WAPL: variants seen among roughly 807,000 people sequenced by gnomAD.
WAPL encodes the protein wings apart-like protein homolog.
A neutral mutation model predicts 121.0 loss-of-function variants in WAPL; 5 were observed. The ratio of observed to expected loss-of-function variants is 0.04; its 90% CI spans 0.02 to 0.09. The LOEUF (loss-of-function observed/expected upper bound fraction) is 0.09, where lower values mean the gene tolerates loss of function less well. Among genes scored for constraint, WAPL ranks in the 10% least tolerant of loss-of-function variants. The pLI is 1.00. For synonymous variants in WAPL, 480 were observed against 481.5 expected, an observed-to-expected ratio of 1.00 and a Z score of 0.04; for missense variants, 999 against 1,410.8, an observed-to-expected ratio of 0.71 and a Z score of 4.68.
chr10:86,497,381 A>G, intron 3 of WAPL, 62 bp from the exon 4 acceptor site: 1 of 1,202,140 alleles, frequency 8.3e-7, no homozygotes, highest in Non-Finnish European at 1.2e-6. Context: ...CAGACAACCT[A>G]TCAAGATTAT....
chr10:86,466,681 A>G (rs1841405224), intron 9 of WAPL, among the ~76,000 whole-genome samples: 1 of 11,184 alleles, frequency 8.9e-5, no homozygotes, highest in African/African-American at 1.2e-3. Flanking sequence ...AAGAATTCAA[A>G]ATTCCTAATA....
chr10:86,500,345 T>C lies in WAPL; in HGVS notation c.898A>G (p.Asn300Asp). 1 of 1,614,226 alleles carries C rather than the reference T, an allele frequency of 6.2e-7. No individual in the cohort carries two copies. The highest frequency in any genetic ancestry group is 1.1e-5 in the South Asian group (1 of 91,088). The stretch of plus-strand genomic sequence containing the variant: ...GCTCCTTGGGAGGATTTCGTTTTAT[T>C]GGCCCTACAGTACGTCCTACAGTTG... ...PTNCRTYCRA[N>D]KTKSSQGASN... Residue 300 changes from asparagine (N) to aspartate (D), a missense_variant, in exon 3 of 19, where the codon AAT (asparagine) becomes GAT (aspartate). Coordinates refer to ENST00000298767, the MANE Select transcript of WAPL (RefSeq NM_015045.5).
chr10:86,463,484 G>A lies in WAPL; in HGVS notation c.2371-2197C>T, dbSNP rs76260302. ...GGACCTTGGTTAACGTGTGTGTGTC[G>A]CCTTCATTTTTAACAGAAAAAGTTT... On this transcript the variant is annotated intron_variant, in intron 9 of 18. Transcript: ENST00000298767. Among the ~76,000 whole-genome samples the A allele has an allele frequency of 2.5e-4, 38 of 152,124 alleles. No individual in the cohort carries two copies. The East Asian group carries it at 4.4e-3, about 18-fold the overall frequency.
Position 86,436,656 on chromosome 10 carries a change from T to C in WAPL, c.*887A>G, listed in dbSNP as rs1849330219. On this transcript the variant is annotated 3_prime_UTR_variant, in exon 19 of 19. Coordinates refer to ENST00000298767, the MANE Select transcript of WAPL (RefSeq NM_015045.5). ...TGGTGTTTTAGCTTCCTTATATTTATTGTACTGAACATTAGAAAATATATC... is the reference window on the plus strand; with the variant it reads ...TGGTGTTTTAGCTTCCTTATATTTACTGTACTGAACATTAGAAAATATATC... 1 of 152,804 alleles carries C rather than the reference T, an allele frequency of 6.5e-6. No homozygotes were observed. Among genetic ancestry groups the C allele is most frequent in the South Asian group, 2.1e-4 (1 of 4,832 alleles). 9.5% of individuals were successfully genotyped at this position (152,804 alleles called of 1,614,324 possible). A position where few individuals can be genotyped will look rare whatever the true frequency, so the allele number is the denominator to read the frequency against.
intron 4 of WAPL, among the ~76,000 whole-genome samples, chr10:86,476,471 C>A (rs1170332513): frequency 6.6e-6 from 1 of 151,720 alleles, no homozygotes; most frequent in East Asian, 1.9e-4. Flanking sequence ...GGCGGATCGA[C>A]TGAGGTCAGG....
rs758769826 is a variant in WAPL at position 86,453,642 on chromosome 10, G to GA, written c.2833+13dup. ...TACATCTTTCAATGAGAAAAAAATG[G>GA]AAAAAAATCTTACCATTATCATTAG... On this transcript the variant is annotated intron_variant, in intron 13 of 18. Coordinates refer to ENST00000298767, the MANE Select transcript of WAPL (RefSeq NM_015045.5). 4.4e-6 allele frequency: 7 copies of GA among 1,587,386 alleles called. No individual in the cohort carries two copies. The highest frequency in any genetic ancestry group is 6.0e-6 in the Non-Finnish European group (7 of 1,169,512).
At chr10:86,453,941 GA>G in intron 12 of WAPL, 110 bp from the exon 13 acceptor site, 2 of 1,014,358 alleles carry the variant, frequency 2.0e-6, no homozygotes, top group Middle Eastern at 3.5e-4. Flanking sequence ...CTTTATTTTG[GA>G]AAAATCTGAT....
intron 2 of WAPL, among the ~76,000 whole-genome samples, chr10:86,509,249 C>T (rs1319223332): frequency 6.6e-6 from 1 of 152,156 alleles, no homozygotes; most frequent in Non-Finnish European, 1.5e-5. Context: ...CCAATGTACC[C>T]AAAACTGAAC....
intron 15 of WAPL, among the ~76,000 whole-genome samples, chr10:86,450,770 A>AT (rs1478174073): frequency 6.6e-6 from 1 of 152,242 alleles, no homozygotes; most frequent in East Asian, 1.9e-4. Context: ...TATTTTAAAT[A>AT]AACTAAAACT....
At chr10:86,444,892 C>CAAAAAAAAAA (rs35307250) in intron 16 of WAPL, among the ~76,000 whole-genome samples, 16 of 68,192 alleles carry the variant, frequency 2.3e-4, no homozygotes, top group African/African-American at 3.4e-4. Context: ...GTTATTACGC[C>CAAAAAAAAAA]AAAAAAAAAA....
At chr10:86,474,425 G>A (rs1841603892) in intron 4 of WAPL, among the ~76,000 whole-genome samples, 1 of 149,782 alleles carries the variant, frequency 6.7e-6, no homozygotes, top group South Asian at 2.1e-4. Context: ...TGAGGCAGGA[G>A]AATCACCTGA....
At chr10:86,504,733 C>A (rs1195201099) in intron 2 of WAPL, among the ~76,000 whole-genome samples, 3 of 151,866 alleles carry the variant, frequency 2.0e-5, no homozygotes, top group Non-Finnish European at 2.9e-5. Context: ...GGCACTGTGG[C>A]CAGCGGTTCA....
intron 16 of WAPL, among the ~76,000 whole-genome samples, 184 bp downstream of exon 16, chr10:86,446,058 G>A (rs571576645): frequency 9.2e-5 from 14 of 152,240 alleles, no homozygotes; most frequent in Admixed American, 5.2e-4. Context: ...CCACTGGCAC[G>A]CACCTTCCTC....
intron 4 of WAPL, among the ~76,000 whole-genome samples, chr10:86,485,535 T>C (rs1841913165): frequency 6.6e-6 from 1 of 151,130 alleles, no homozygotes; most frequent in South Asian, 2.1e-4. Flanking sequence ...AGACTCCATA[T>C]CCAAAACAAA....
At chr10:86,498,079 T>C (rs1842183936) in intron 3 of WAPL, among the ~76,000 whole-genome samples, 1 of 152,226 alleles carries the variant, frequency 6.6e-6, no homozygotes, top group South Asian at 2.1e-4. Context: ...AAATGTTATT[T>C]AGCATCTACT....
chr10:86,503,161 GAAC>G (rs781655789), intron 2 of WAPL, among the ~76,000 whole-genome samples: 5 of 151,792 alleles, frequency 3.3e-5, no homozygotes, highest in African/African-American at 9.7e-5. Context: ...CTGTTTAAAA[GAAC>G]AACAACAACA....
chr10:86,464,909 T>C lies in WAPL; in HGVS notation c.2370+2370A>G, dbSNP rs111381209. 2.5e-3 allele frequency among the ~76,000 whole-genome samples: 385 copies of C among 152,352 alleles called. 2 individuals carry two copies. The highest frequency in any genetic ancestry group is 8.0e-3 in the African/African-American group (334 of 41,590). ...GACGATGTGATGACATGGAGGATCA[T>C]TGATTTGCCATCTGGGCACAACACC... On this transcript the variant is annotated intron_variant, in intron 9 of 18. Coordinates refer to ENST00000298767, the MANE Select transcript of WAPL (RefSeq NM_015045.5).
intron 4 of WAPL, among the ~76,000 whole-genome samples, chr10:86,491,936 G>A (rs1842056114): frequency 6.6e-6 from 1 of 152,018 alleles, no homozygotes; most frequent in African/African-American, 2.4e-5. Context: ...TTAACTACAG[G>A]TCTCCTACTG....
At chr10:86,505,630 G>C (rs549583456) in intron 2 of WAPL, among the ~76,000 whole-genome samples, 1 of 151,918 alleles carries the variant, frequency 6.6e-6, no homozygotes, top group East Asian at 1.9e-4. Flanking sequence ...ACATATTTTT[G>C]TACCAGCCTC....
Sources: gnomAD v4.1 joint callset for allele counts (sites outside exome capture counted in the v4.1 genomes callset) on GRCh38, gnomAD v4.1.1 for gene constraint, MANE v1.5 for transcripts, NCBI Gene and HGNC (gene_info 2026-07-23, HGNC 2026-07-21) for gene names.